CRPPA: variants seen among roughly 807,000 people sequenced by gnomAD.
The protein encoded by CRPPA is D-ribitol-5-phosphate cytidylyltransferase.
Under a neutral mutation model 52.0 loss-of-function variants are expected in CRPPA, and 43 were observed. That is an observed-to-expected ratio of 0.83 (90% CI 0.65 to 1.07). The LOEUF is 1.07. Among genes scored for constraint, CRPPA ranks in the 50% least tolerant of loss-of-function variants. The pLI, the probability that CRPPA is intolerant of heterozygous loss-of-function variation, is 0.00. For synonymous variants in CRPPA, 250 were observed against 203.5 expected, an observed-to-expected ratio of 1.23 and a Z score of -1.94; for missense variants, 629 against 551.7, an observed-to-expected ratio of 1.14 and a Z score of -1.40.
intron 6 of CRPPA, among the ~76,000 whole-genome samples, chr7:16,266,043 T>C (rs956042974): frequency 3.9e-5 from 6 of 152,164 alleles, no homozygotes; most frequent in African/African-American, 1.4e-4. Context: ...AGAGGAGTAA[T>C]TCTACATGTC....
chr7:16,330,043 T>G (rs1371672168), intron 3 of CRPPA, among the ~76,000 whole-genome samples: 1 of 152,232 alleles, frequency 6.6e-6, no homozygotes, highest in Non-Finnish European at 1.5e-5. Flanking sequence ...TAGCTTGCTT[T>G]CTTGTAAGTG....
intron 3 of CRPPA, among the ~76,000 whole-genome samples, chr7:16,339,386 T>C (rs756673488): frequency 2.3e-4 from 35 of 152,168 alleles, no homozygotes; most frequent in Non-Finnish European, 4.4e-4. Context: ...AAGGCTCATT[T>C]AACATTCAAA....
intron 8 of CRPPA, among the ~76,000 whole-genome samples, chr7:16,248,292 T>C (rs1783336479): frequency 1.3e-5 from 2 of 152,174 alleles, no homozygotes; most frequent in South Asian, 4.1e-4. Context: ...TGAGCCATAA[T>C]CATGTCACTG....
At chr7:16,328,665 C>A (rs567649228) in intron 3 of CRPPA, among the ~76,000 whole-genome samples, 1 of 152,208 alleles carries the variant, frequency 6.6e-6, no homozygotes, top group South Asian at 2.1e-4. Flanking sequence ...CAGGCACATG[C>A]CACCACGCCC....
intron 3 of CRPPA, among the ~76,000 whole-genome samples, chr7:16,374,615 C>T (rs1320480601): frequency 1.3e-5 from 2 of 152,180 alleles, no homozygotes; most frequent in Non-Finnish European, 2.9e-5. Flanking sequence ...TCCAAGTCTT[C>T]TCATCACATC....
intron 3 of CRPPA, among the ~76,000 whole-genome samples, chr7:16,338,283 G>A (rs1785737326): frequency 6.6e-6 from 1 of 152,042 alleles, no homozygotes; most frequent in South Asian, 2.1e-4. Context: ...CAAAATGAAG[G>A]ATAAAAGTCA....
chr7:16,209,271 G>GTTTTTTTTTTTTTTT, intron 9 of CRPPA: 2 of 137,674 alleles, frequency 1.5e-5, no homozygotes, highest in Non-Finnish European at 3.3e-5. Flanking sequence ...GGTTCTAAGT[G>GTTTTTTTTTTTTTTT]TCTTTTTTTT....
chr7:16,357,391 C>G (rs1786328699), intron 3 of CRPPA, among the ~76,000 whole-genome samples: 1 of 152,094 alleles, frequency 6.6e-6, no homozygotes. Context: ...GTTGGCCAAT[C>G]TGGTCTCAAA....
chr7:16,331,220 C>T (rs1003020505), intron 3 of CRPPA, among the ~76,000 whole-genome samples: 1 of 152,020 alleles, frequency 6.6e-6, no homozygotes, highest in African/African-American at 2.4e-5. Context: ...AGGATGGTCT[C>T]GATCTCCTGA....
At chr7:16,403,135 G>C (rs948487544) in intron 2 of CRPPA, among the ~76,000 whole-genome samples, 1 of 151,590 alleles carries the variant, frequency 6.6e-6, no homozygotes, top group Non-Finnish European at 1.5e-5. Context: ...AAAATAGTGA[G>C]GGGGGGAAAA....
At chr7:16,118,494 C>A (rs920893531) in intron 9 of CRPPA, among the ~76,000 whole-genome samples, 17 of 152,162 alleles carry the variant, frequency 1.1e-4, no homozygotes, top group African/African-American at 3.9e-4. Flanking sequence ...AGCATCTCTT[C>A]TTTGACTGCT....
chr7:16,104,872 C>A (rs1410082170), intron 9 of CRPPA, among the ~76,000 whole-genome samples: 1 of 151,212 alleles, frequency 6.6e-6, no homozygotes, highest in African/African-American at 2.4e-5. Flanking sequence ...TGCACTCCAG[C>A]CTGGGCAACA....
intron 9 of CRPPA, among the ~76,000 whole-genome samples, chr7:16,156,816 A>G (rs17169291): frequency 0.029 from 4,426 of 152,266 alleles, 101 homozygotes; most frequent in Middle Eastern, 0.051. Context: ...TTGTTGTGGA[A>G]AAGTATTTGC....
At chr7:16,114,820 G>C (rs1047534444) in intron 9 of CRPPA, among the ~76,000 whole-genome samples, 1 of 152,082 alleles carries the variant, frequency 6.6e-6, no homozygotes, top group Non-Finnish European at 1.5e-5. Flanking sequence ...TACAGTGACA[G>C]AAGAGAGCAG....
At chr7:16,154,774 A>G (rs1227944373) in intron 9 of CRPPA, among the ~76,000 whole-genome samples, 1 of 151,322 alleles carries the variant, frequency 6.6e-6, no homozygotes, top group East Asian at 1.9e-4. Context: ...TCAATCTTCA[A>G]AGTTTGACAA....
chr7:16,301,769 C>T (rs1326920257), intron 4 of CRPPA, among the ~76,000 whole-genome samples: 1 of 152,040 alleles, frequency 6.6e-6, no homozygotes, highest in East Asian at 1.9e-4. Flanking sequence ...ACAGTATTAA[C>T]ATGACTGCAT....
intron 3 of CRPPA, among the ~76,000 whole-genome samples, chr7:16,339,916 A>T (rs1242120430): frequency 6.6e-6 from 1 of 152,152 alleles, no homozygotes; most frequent in African/African-American, 2.4e-5. Context: ...AAAAAAAAGT[A>T]GGTCAAAGGA....
intron 2 of CRPPA, among the ~76,000 whole-genome samples, chr7:16,399,061 T>G (rs567521776): frequency 6.6e-6 from 1 of 152,310 alleles, no homozygotes; most frequent in Non-Finnish European, 1.5e-5. Flanking sequence ...GATTCACAAT[T>G]GGTGCATGAC....
At chr7:16,312,719 G>T (rs1785060072) in intron 3 of CRPPA, among the ~76,000 whole-genome samples, 1 of 151,820 alleles carries the variant, frequency 6.6e-6, no homozygotes, top group South Asian at 2.1e-4. Flanking sequence ...TTAGCTGCAG[G>T]TGTTCTGTGG....
Sources: gnomAD v4.1 joint callset for allele counts (sites outside exome capture counted in the v4.1 genomes callset) on GRCh38, gnomAD v4.1.1 for gene constraint, MANE v1.5 for transcripts, NCBI Gene and HGNC (gene_info 2026-07-23, HGNC 2026-07-21) for gene names.